The following TMEM175 variants were observed in gnomAD, a reference collection of about 807,000 sequenced individuals.
TMEM175 encodes the protein transmembrane protein 175.
In TMEM175, 36 loss-of-function variants were observed where a neutral mutation model predicts 36.5. That is an observed-to-expected ratio of 0.99 (90% CI 0.76 to 1.30). The LOEUF is 1.30. TMEM175 is among the 50% of genes most tolerant of loss of function. The pLI, the probability that TMEM175 is intolerant of heterozygous loss-of-function variation, is 0.00. For missense variants in TMEM175, 705 were observed against 692.8 expected (o/e 1.02, Z -0.20); for synonymous variants, 339 against 313.4 (o/e 1.08, Z -0.86).
At chr4:956,449 T>C in intron 10 of TMEM175, 1 of 1,275,156 alleles carries the variant, frequency 7.8e-7, no homozygotes, top group Non-Finnish European at 1.0e-6. Flanking sequence ...TGGGGTTTTT[T>C]TTTTTTTTTT....
chr4:943,282 T>C (rs1727744915), intron 1 of TMEM175, among the ~76,000 whole-genome samples: 1 of 152,220 alleles, frequency 6.6e-6, no homozygotes. Context: ...GACGGAGTCT[T>C]ACTCTGTCTC....
At position 958,491 on chromosome 4, in the gene TMEM175, T is replaced by G. The variant is rs1226128727; in HGVS notation, c.1510T>G (p.Cys504Gly). Residue 504 changes from cysteine (C) to glycine (G), a missense_variant, in exon 11 of 11, where the codon TGC becomes GGC. Cys to Gly is a radical substitution (Grantham distance 159). Transcript: ENST00000264771. ...ACAGTCCCAGCTCCTCCCTGCCCCC[T>G]GCTAGCAGCCACAGAGCCCACTCCC... is the stretch of plus-strand genomic sequence containing the variant. ...DPQSQLLPAP[C>G] 1 of 1,524,896 alleles carries G rather than the reference T, an allele frequency of 6.6e-7. No individual in the cohort carries two copies. Among genetic ancestry groups the G allele is most frequent in the Non-Finnish European group, 8.8e-7 (1 of 1,139,556 alleles). The allele number at this position is 1,524,896 out of a possible 1,614,324, so 94.5% of individuals were successfully genotyped here. A position where few individuals can be genotyped will look rare whatever the true frequency, so the allele number is the denominator to read the frequency against.
chr4:947,583 T>C, intron 1 of TMEM175, 126 bp from the exon 2 acceptor site: 2 of 723,330 alleles, frequency 2.8e-6, no homozygotes, highest in Non-Finnish European at 4.5e-6. Context: ...GCGTGGACCC[T>C]TCCCCTGCTC....
At chr4:952,479 T>A in intron 7 of TMEM175, 29 bp downstream of exon 7, 1 of 101,694 alleles carries the variant, frequency 9.8e-6, no homozygotes, top group Admixed American at 9.5e-5. Context: ...CTGCACTGTG[T>A]GTGTGTGTGT....
intron 3 of TMEM175, chr4:948,653 T>TACAGC: frequency 8.2e-7 from 1 of 1,223,502 alleles, no homozygotes; most frequent in South Asian, 1.5e-5. Flanking sequence ...GTTTCCACCT[T>TACAGC]GACTGTTTCT....
At chr4:950,650 T>A in intron 4 of TMEM175, 132 bp downstream of exon 4, 1 of 632,352 alleles carries the variant, frequency 1.6e-6, no homozygotes, top group Middle Eastern at 4.5e-4. Flanking sequence ...CGCGTGGGGA[T>A]GGCAGGACTT....
chr4:956,218 T>A, intron 10 of TMEM175: 70 of 894,874 alleles, frequency 7.8e-5, no homozygotes, highest in Middle Eastern at 2.6e-4. Context: ...GGTATCCCCC[T>A]GCCCCAGGCC....
At chr4:948,447 C>T in intron 3 of TMEM175, 1 of 1,489,440 alleles carries the variant, frequency 6.7e-7, no homozygotes. Context: ...AGCCAGAGGA[C>T]AGGTTGGAAG....
intron 1 of TMEM175, among the ~76,000 whole-genome samples, chr4:936,955 C>CA (rs76493313): frequency 8.7e-4 from 117 of 135,112 alleles, no homozygotes; most frequent in Admixed American, 2.0e-3. Context: ...GACTCTGTCT[C>CA]AAAAAAAAAA....
intron 1 of TMEM175, among the ~76,000 whole-genome samples, chr4:941,666 CA>C (rs1056546955): frequency 6.6e-6 from 1 of 152,018 alleles, no homozygotes; most frequent in African/African-American, 2.4e-5. Flanking sequence ...GAACTCCTGA[CA>C]TCAGGTGATC....
intron 8 of TMEM175, among the ~76,000 whole-genome samples, chr4:955,044 G>A (rs1394858284): frequency 6.6e-6 from 1 of 152,164 alleles, no homozygotes; most frequent in African/African-American, 2.4e-5. Flanking sequence ...GCAGTGAGCT[G>A]GGTCACCTCT....
intron 1 of TMEM175, among the ~76,000 whole-genome samples, chr4:941,376 C>CAAA: frequency 9.5e-6 from 1 of 104,824 alleles, no homozygotes; most frequent in Admixed American, 1.1e-4. Context: ...AACTCTGTCT[C>CAAA]AAAAAAAAAA....
chr4:945,419 G>A (rs1263068468), intron 1 of TMEM175, among the ~76,000 whole-genome samples: 1 of 151,996 alleles, frequency 6.6e-6, no homozygotes, highest in East Asian at 1.9e-4. Flanking sequence ...TCCAGCCTCG[G>A]TTTCTGTTTT....
At chr4:957,777 G>A in intron 10 of TMEM175, 47 bp from the exon 11 acceptor site, 1 of 1,549,818 alleles carries the variant, frequency 6.5e-7, no homozygotes, top group Non-Finnish European at 8.7e-7. Context: ...TGGGGCCTGT[G>A]TGGCCACGGC....
intron 1 of TMEM175, among the ~76,000 whole-genome samples, chr4:942,725 C>T (rs1456757512): frequency 3.3e-5 from 5 of 151,590 alleles, no homozygotes; most frequent in South Asian, 2.1e-4. Flanking sequence ...CTGCAACCTT[C>T]GCCTCCCAGG....
intron 1 of TMEM175, among the ~76,000 whole-genome samples, chr4:947,084 GAACA>G (rs1293729852): frequency 2.3e-5 from 3 of 131,156 alleles, no homozygotes; most frequent in Non-Finnish European, 4.8e-5. Flanking sequence ...CCCCTGTAGA[GAACA>G]GACAGCCCCA....
At chr4:952,026 G>C in intron 6 of TMEM175, 1 of 583,812 alleles carries the variant, frequency 1.7e-6, no homozygotes. Context: ...CCGACCACCC[G>C]CCCTGTACTA....
rs766291116 is a variant in TMEM175, at chr4:951,840, G to A, written c.378+123G>A. Reference sequence around the variant, plus strand: ...AGGCCACACGGTTGTAGAGAAGAGAGAAGGTTCTGGGGAGAGCCAGCTGTT... The same window carrying A: ...AGGCCACACGGTTGTAGAGAAGAGAAAAGGTTCTGGGGAGAGCCAGCTGTT... On this transcript the variant is annotated intron_variant, in intron 6 of 10. Transcript: ENST00000264771. 3.2e-4 allele frequency: 365 copies of A among 1,124,694 alleles called. 1 individual carries two copies. Among genetic ancestry groups the A allele is most frequent in the Admixed American group, 9.3e-4 (51 of 54,614 alleles). 69.7% of individuals were successfully genotyped at this position (1,124,694 alleles called of 1,614,324 possible).
At chr4:940,291 A>G (rs1483177348) in intron 1 of TMEM175, among the ~76,000 whole-genome samples, 1 of 152,092 alleles carries the variant, frequency 6.6e-6, no homozygotes, top group Non-Finnish European at 1.5e-5. Context: ...TTTACTAAAA[A>G]TACAAAATTA....
Sources: gnomAD v4.1 joint callset for allele counts (sites outside exome capture counted in the v4.1 genomes callset) on GRCh38, gnomAD v4.1.1 for gene constraint, MANE v1.5 for transcripts, NCBI Gene and HGNC (gene_info 2026-07-23, HGNC 2026-07-21) for gene names.